LAMC1: variants seen among roughly 807,000 people sequenced by gnomAD.
LAMC1 encodes the protein laminin subunit gamma-1.
In LAMC1, 38 loss-of-function variants were observed where a neutral mutation model predicts 173.6. That is an observed-to-expected ratio of 0.22 (90% CI 0.17 to 0.29). The LOEUF (loss-of-function observed/expected upper bound fraction) is 0.29. Among genes scored for constraint, LAMC1 ranks in the 10% least tolerant of loss-of-function variants. LAMC1 has a pLI of 1.00. For missense variants in LAMC1, 1,824 were observed against 2,051.8 expected, an observed-to-expected ratio of 0.89 and a Z score of 2.14; for synonymous variants, 746 against 749.1, an observed-to-expected ratio of 1.00 and a Z score of 0.07.
chr1:183,099,370 C>G (rs10752895), intron 1 of LAMC1, among the ~76,000 whole-genome samples: 78,444 of 151,960 alleles, frequency 0.52, 20,916 homozygotes, highest in South Asian at 0.65. Flanking sequence ...GATTACAGGC[C>G]TTAGCTACTG....
intron 4 of LAMC1, 92 bp from the exon 5 acceptor site, chr1:183,114,439 G>C: frequency 2.4e-6 from 3 of 1,243,364 alleles, no homozygotes. Flanking sequence ...GTCTGTCTCA[G>C]AGATGTGGGA....
chr1:183,132,021 G>A (rs115095444), intron 20 of LAMC1, among the ~76,000 whole-genome samples: 4,130 of 152,190 alleles, frequency 0.027, 212 homozygotes, highest in African/African-American at 0.095. Flanking sequence ...AAAGTAGGCC[G>A]GGAGCAGTGG....
At chr1:183,053,159 C>T (rs1040341815) in intron 1 of LAMC1, among the ~76,000 whole-genome samples, 32 of 152,228 alleles carry the variant, frequency 2.1e-4, no homozygotes, top group African/African-American at 6.5e-4. Context: ...TTTTCCAGTG[C>T]GTTAAATGTA....
At chr1:183,054,057 GC>G (rs1467688521) in intron 1 of LAMC1, among the ~76,000 whole-genome samples, 2 of 152,186 alleles carry the variant, frequency 1.3e-5, no homozygotes, top group Non-Finnish European at 2.9e-5. Flanking sequence ...AAGCAGTACT[GC>G]CTATTGAGGT....
At chr1:183,031,528 T>C (rs1653849983) in intron 1 of LAMC1, among the ~76,000 whole-genome samples, 1 of 152,152 alleles carries the variant, frequency 6.6e-6, no homozygotes, top group Non-Finnish European at 1.5e-5. Flanking sequence ...GGTTTTGAAC[T>C]CCCGACCTCA....
intron 1 of LAMC1, among the ~76,000 whole-genome samples, chr1:183,057,490 G>A (rs1286089508): frequency 6.6e-6 from 1 of 152,226 alleles, no homozygotes; most frequent in Non-Finnish European, 1.5e-5. Context: ...GCCGGGTGCC[G>A]TGGCTTACGC....
At position 183,125,256 on chromosome 1, in the gene LAMC1, A is replaced by G. The variant is rs951724302; in HGVS notation, c.2648-141A>G. 80 of 802,468 alleles carry G rather than the reference A, an allele frequency of 1.0e-4. No individual in the cohort carries two copies. The South Asian group carries it at 1.3e-3, about 13-fold the overall frequency. 49.7% of individuals were successfully genotyped at this position (802,468 alleles called of 1,614,324 possible). On this transcript the variant is annotated intron_variant, in intron 14 of 27. Transcript: ENST00000258341. ...ATCTCAATTCAGACTCACCAGCCAC[A>G]TTTAAAGTGCTCAGTAGCCACATGT...
intron 16 of LAMC1, 50 bp from the exon 17 acceptor site, chr1:183,127,176 T>G (rs775955164): frequency 1.3e-6 from 2 of 1,537,332 alleles, no homozygotes; most frequent in Non-Finnish European, 1.8e-6. Flanking sequence ...TTAAGAGATA[T>G]ACTCTTCCTT....
intron 1 of LAMC1, among the ~76,000 whole-genome samples, chr1:183,042,647 A>G (rs1476308369): frequency 6.6e-6 from 1 of 152,208 alleles, no homozygotes; most frequent in Non-Finnish European, 1.5e-5. Flanking sequence ...ATAGAAAAAT[A>G]GGGACCACGC....
At chr1:183,116,476 CA>C (rs10689020) in intron 6 of LAMC1, 100 bp from the exon 7 acceptor site, 24,694 of 677,644 alleles carry the variant, frequency 0.036, 2 homozygotes, top group Middle Eastern at 0.045. Context: ...GACTCTGTCT[CA>C]AAAAAAAAAA....
Position 183,072,307 on chromosome 1 carries a change from G to A in LAMC1, c.419-31021G>A, listed in dbSNP as rs568111421. Among the ~76,000 whole-genome samples, 8 of 152,286 alleles carry A rather than the reference G, an allele frequency of 5.3e-5. No homozygotes were observed. The South Asian group carries it at 1.7e-3, about 32-fold the overall frequency. ...ATGGGGACATTTAATTCAAGTGTTC[G>A]TTGCAGGGTCTGCAGACAGCTCTTT... On this transcript the variant is annotated intron_variant, in intron 1 of 27. Transcript: ENST00000258341.
At chr1:183,070,388 T>C (rs1391040270) in intron 1 of LAMC1, among the ~76,000 whole-genome samples, 2 of 152,164 alleles carry the variant, frequency 1.3e-5, no homozygotes, top group Admixed American at 6.5e-5. Flanking sequence ...CCTGGCTCTT[T>C]AGGCATCTCT....
At chr1:183,068,833 T>C (rs1451116717) in intron 1 of LAMC1, among the ~76,000 whole-genome samples, 1 of 151,992 alleles carries the variant, frequency 6.6e-6, no homozygotes, top group Non-Finnish European at 1.5e-5. Flanking sequence ...TCCCAGCTAC[T>C]TGGGAGGCTG....
At chr1:183,102,010 C>T (rs576859549) in intron 1 of LAMC1, among the ~76,000 whole-genome samples, 44 of 152,192 alleles carry the variant, frequency 2.9e-4, no homozygotes, top group Admixed American at 1.0e-3. Context: ...CACCCACTTA[C>T]TCCCAGATCC....
intron 3 of LAMC1, 147 bp downstream of exon 3, chr1:183,108,553 G>T: frequency 1.6e-6 from 1 of 620,822 alleles, no homozygotes. Flanking sequence ...GTGTGATAAT[G>T]CTTAGCTGAA....
chr1:183,038,506 A>G (rs141167975), intron 1 of LAMC1, among the ~76,000 whole-genome samples: 3,756 of 152,244 alleles, frequency 0.025, 67 homozygotes, highest in Admixed American at 0.049. Flanking sequence ...AAATGCATAA[A>G]TGTTTTCTCA....
At chr1:183,041,951 CTTGTAGATAGGGTTTTTAAAA>C (rs1480661587) in intron 1 of LAMC1, among the ~76,000 whole-genome samples, 9 of 152,086 alleles carry the variant, frequency 5.9e-5, no homozygotes, top group African/African-American at 1.9e-4. Flanking sequence ...TGGAATTTGC[CTTGTAGATAGGGTTTTTAAAA>C]TTGATCAGGC....
intron 20 of LAMC1, 140 bp from the exon 21 acceptor site, chr1:183,132,260 C>T: frequency 1.8e-6 from 1 of 567,204 alleles, no homozygotes; most frequent in East Asian, 3.4e-5. Context: ...CCACTGCACA[C>T]CAGCCTGGGT....
chr1:183,135,221 A>C, intron 24 of LAMC1, 65 bp downstream of exon 24: 1 of 945,944 alleles, frequency 1.1e-6, no homozygotes. Context: ...TTTTTTAATC[A>C]TGACTTTTAC....
Sources: allele counts gnomAD v4.1 joint callset (sites outside exome capture counted in the v4.1 genomes callset), GRCh38; gene constraint gnomAD v4.1.1; transcripts MANE v1.5; gene names NCBI Gene and HGNC (gene_info 2026-07-23, HGNC 2026-07-21).